Variants in SHISA9 observed in about 807,000 individuals in gnomAD.
SHISA9 encodes the protein protein shisa-9.
In SHISA9, 13 loss-of-function variants were observed where a neutral mutation model predicts 38.0. The ratio of observed to expected loss-of-function variants is 0.34; its 90% confidence interval spans 0.22 to 0.54. The LOEUF (loss-of-function observed/expected upper bound fraction) is 0.54. Among genes scored for constraint, SHISA9 ranks in the 20% least tolerant of loss-of-function variants. SHISA9 has a pLI of 0.91. For missense variants in SHISA9, 538 were observed against 575.8 expected (o/e 0.93, Z 0.67); for synonymous variants, 275 against 242.0 (o/e 1.14, Z -1.27).
chr16:13,325,157 C>T, the SHISA9 span, among the ~76,000 whole-genome samples: 2 of 152,202 alleles, frequency 1.3e-5, no homozygotes, highest in Non-Finnish European at 2.9e-5. Flanking sequence ...AGGAGATTCT[C>T]TACAGAATGC....
At chr16:13,374,909 A>G in the SHISA9 span, among the ~76,000 whole-genome samples, 2 of 152,286 alleles carry the variant, frequency 1.3e-5, no homozygotes, top group East Asian at 3.9e-4. Context: ...CATTTCTCTG[A>G]TGGCCAGCGA....
chr16:13,209,623 T>G (rs1239021088), intron 3 of SHISA9, among the ~76,000 whole-genome samples: 1 of 152,240 alleles, frequency 6.6e-6, no homozygotes, highest in Non-Finnish European at 1.5e-5. Context: ...TAATGTGGAT[T>G]TAAACATTTC....
At chr16:13,179,340 C>CA (rs1225083731) in intron 2 of SHISA9, among the ~76,000 whole-genome samples, 4 of 150,084 alleles carry the variant, frequency 2.7e-5, no homozygotes, top group African/African-American at 9.7e-5. Flanking sequence ...CAAAACAAAA[C>CA]AAAATCTCTC....
At chr16:13,305,250 GT>G in the SHISA9 span, among the ~76,000 whole-genome samples, 1 of 152,142 alleles carries the variant, frequency 6.6e-6, no homozygotes, top group African/African-American at 2.4e-5. Context: ...GTGAAGTCAG[GT>G]GTGGAGTGTT....
At chr16:12,933,408 C>T (rs555444091) in intron 2 of SHISA9, among the ~76,000 whole-genome samples, 12 of 152,144 alleles carry the variant, frequency 7.9e-5, no homozygotes, top group African/African-American at 2.9e-4. Flanking sequence ...AATTCTGCTT[C>T]AGCCTCAGTC....
chr16:13,207,561 C>T (rs1469520966), intron 3 of SHISA9, among the ~76,000 whole-genome samples: 4 of 151,844 alleles, frequency 2.6e-5, no homozygotes, highest in African/African-American at 9.7e-5. Flanking sequence ...CTTCCCCAGT[C>T]CTAGATGGGG....
the SHISA9 span, among the ~76,000 whole-genome samples, chr16:13,477,712 C>A: frequency 1.3e-5 from 2 of 152,208 alleles, no homozygotes; most frequent in South Asian, 4.1e-4. Flanking sequence ...TGCCTGTAAT[C>A]CCAGCATTTT....
chr16:13,414,975 A>AAAATG, the SHISA9 span, among the ~76,000 whole-genome samples: 3 of 152,320 alleles, frequency 2.0e-5, no homozygotes, highest in Admixed American at 6.5e-5. Context: ...CAATGTACAG[A>AAAATG]AAATGGAAGT....
the SHISA9 span, among the ~76,000 whole-genome samples, chr16:13,307,890 G>C: frequency 3.3e-5 from 5 of 152,188 alleles, no homozygotes; most frequent in African/African-American, 1.2e-4. Flanking sequence ...TCCATGATTA[G>C]GTGAGGATGA....
the SHISA9 span, among the ~76,000 whole-genome samples, chr16:13,469,258 AAAGT>A: frequency 6.7e-6 from 1 of 149,106 alleles, no homozygotes; most frequent in East Asian, 2.0e-4. Flanking sequence ...AAAAGAGAAG[AAAGT>A]AAGGTAATTT....
chr16:13,011,138 C>T (rs977792829), intron 2 of SHISA9, among the ~76,000 whole-genome samples: 3 of 152,012 alleles, frequency 2.0e-5, no homozygotes, highest in Non-Finnish European at 4.4e-5. Context: ...GGTGGGCAGG[C>T]GGTGAACACA....
rs940711493 is a variant in SHISA9, at chr16:13,235,542, A to T, written c.*133A>T. ...CACTCTCAACAAGAACCAACTCTAAACCTACTGGGGACACAGAGTCGCGCT... is the reference window on the plus strand; with the variant it reads ...CACTCTCAACAAGAACCAACTCTAATCCTACTGGGGACACAGAGTCGCGCT... On this transcript the variant is annotated 3_prime_UTR_variant, in exon 5 of 5. Transcript: ENST00000558583. The T allele has an allele frequency of 1.6e-5, 18 of 1,142,622 alleles. No homozygotes were observed. Among genetic ancestry groups the T allele is most frequent in the Non-Finnish European group, 2.0e-5 (17 of 833,264 alleles). The allele number at this position is 1,142,622 out of a possible 1,614,324, so 70.8% of individuals were successfully genotyped here. A position where few individuals can be genotyped will look rare whatever the true frequency, so the allele number is the denominator to read the frequency against.
In SHISA9 at chr16:12,989,036, A is replaced by G. The variant is rs181967699; in HGVS notation, c.691+72221A>G. Among the ~76,000 whole-genome samples, 361 of 152,236 alleles carry G rather than the reference A, an allele frequency of 2.4e-3. 2 individuals carry two copies. The highest frequency in any genetic ancestry group is 8.3e-3 in the African/African-American group (345 of 41,528). Reference sequence around the variant, plus strand: ...AGATGGAGCCACAGCAGCTCAGAAGATGAGGTAAGAGCTAGAAAGTGGCAT... The same window carrying G: ...AGATGGAGCCACAGCAGCTCAGAAGGTGAGGTAAGAGCTAGAAAGTGGCAT... On this transcript the variant is annotated intron_variant, in intron 2 of 4. Transcript: ENST00000558583.
chr16:13,252,729 C>G, the SHISA9 span, among the ~76,000 whole-genome samples: 2 of 152,314 alleles, frequency 1.3e-5, no homozygotes, highest in Non-Finnish European at 2.9e-5. Context: ...TTGTCTGTCT[C>G]TTCTCACTGG....
the SHISA9 span, among the ~76,000 whole-genome samples, chr16:13,534,891 T>C: frequency 2.0e-5 from 3 of 152,308 alleles, no homozygotes; most frequent in Admixed American, 1.3e-4. Flanking sequence ...TTATTCTTTT[T>C]AATATCACCT....
At chr16:13,086,201 A>C (rs1469807190) in intron 2 of SHISA9, among the ~76,000 whole-genome samples, 1 of 151,962 alleles carries the variant, frequency 6.6e-6, no homozygotes, top group Non-Finnish European at 1.5e-5. Flanking sequence ...ACTAAAATAC[A>C]AAAATTAGCT....
intron 2 of SHISA9, among the ~76,000 whole-genome samples, chr16:13,090,788 C>T (rs1000105951): frequency 1.4e-4 from 22 of 152,258 alleles, no homozygotes; most frequent in Middle Eastern, 3.4e-3. Flanking sequence ...GCATTTAGCC[C>T]ATTTACGTTT....
chr16:12,949,557 A>C (rs1293738874), intron 2 of SHISA9, among the ~76,000 whole-genome samples: 1 of 152,250 alleles, frequency 6.6e-6, no homozygotes, highest in African/African-American at 2.4e-5. Context: ...GGTGCATTGT[A>C]AGTGGAAAAT....
rs71147769 is a variant in SHISA9, at chr16:12,915,986, G to GT, written c.564-692dup. ...GGTCTGTTCTACGTATGAACACTGA[G>GT]TTTTTTTTTTGTGTGTGTGTGTGTG... is the stretch of plus-strand genomic sequence containing the variant. On this transcript the variant is annotated intron_variant, in intron 1 of 4. Transcript: ENST00000558583. Among the ~76,000 whole-genome samples, 152 of 124,300 alleles carry GT rather than the reference G, an allele frequency of 1.2e-3. 1 individual carries two copies. Among genetic ancestry groups the GT allele is most frequent in the Admixed American group, 7.5e-4 (9 of 11,954 alleles). The allele number at this position is 124,300 out of a possible 152,430, so 81.5% of individuals were successfully genotyped here. A position where few individuals can be genotyped will look rare whatever the true frequency, so the allele number is the denominator to read the frequency against.
Sources: gnomAD v4.1 joint callset for allele counts (sites outside exome capture counted in the v4.1 genomes callset) on GRCh38, gnomAD v4.1.1 for gene constraint, MANE v1.5 for transcripts, NCBI Gene and HGNC (gene_info 2026-07-23, HGNC 2026-07-21) for gene names.